Variants in NCS1 observed in about 807,000 individuals in gnomAD.
NCS1 encodes the protein frequenin homolog.
A neutral mutation model predicts 28.4 loss-of-function variants in NCS1; 6 were observed. The ratio of observed to expected loss-of-function variants is 0.21; its 90% CI spans 0.12 to 0.42. The LOEUF (loss-of-function observed/expected upper bound fraction) is 0.42, where lower values mean the gene tolerates loss of function less well. Ranked by LOEUF, NCS1 falls within the 10% of genes least tolerant of loss-of-function variation. The probability of loss-of-function intolerance (pLI) is 1.00; values close to 1 mark genes in which losing one functional copy is unlikely to be tolerated. For missense variants in NCS1, 131 were observed against 241.4 expected (o/e 0.54, Z 3.03); for synonymous variants, 86 against 99.3 (o/e 0.87, Z 0.79).
At chr9:130,176,194 C>CTTTCTTTCTTTCTTTCTTTCTTTCTTTCT (rs1554904576) in intron 1 of NCS1, among the ~76,000 whole-genome samples, 2 of 50,138 alleles carry the variant, frequency 4.0e-5, no homozygotes, top group Non-Finnish European at 3.5e-5. Flanking sequence ...TTCTTTCTTT[C>CTTTCTTTCTTTCTTTCTTTCTTTCTTTCT]TTTTTTTTTT....
intron 4 of NCS1, among the ~76,000 whole-genome samples, chr9:130,220,363 G>A (rs1307360080): frequency 1.3e-5 from 2 of 152,188 alleles, no homozygotes; most frequent in African/African-American, 4.8e-5. Flanking sequence ...TGCTCTCAGG[G>A]CGATCAGTCT....
chr9:130,196,600 G>A (rs1554906867), intron 1 of NCS1, among the ~76,000 whole-genome samples: 3 of 152,280 alleles, frequency 2.0e-5, no homozygotes, highest in Admixed American at 1.3e-4. Flanking sequence ...TTAGCCAGGC[G>A]TGGTAGCAGG....
At chr9:130,222,599 C>G in intron 4 of NCS1, 51 bp from the exon 5 acceptor site, 1 of 1,540,492 alleles carries the variant, frequency 6.5e-7, no homozygotes, top group Non-Finnish European at 9.0e-7. Context: ...GTTGAAGACC[C>G]CTCCCCACTG....
chr9:130,183,684 T>C (rs1412250838), intron 1 of NCS1, among the ~76,000 whole-genome samples: 1 of 151,826 alleles, frequency 6.6e-6, no homozygotes, highest in Non-Finnish European at 1.5e-5. Context: ...TCTTTCTTCC[T>C]TCCTTTCTTT....
rs1399471217 is a variant in NCS1 at position 130,235,057 on chromosome 9, C to G, written c.*2085C>G. On this transcript the variant is annotated 3_prime_UTR_variant, in exon 8 of 8. Coordinates refer to ENST00000372398, the MANE Select transcript of NCS1 (RefSeq NM_014286.4). ...CCCTTGGCTGGAGCATTCAGCCAACCCCAGCGTCCCCCCTGAGGCGTTCAT... is the reference window on the plus strand; with the variant it reads ...CCCTTGGCTGGAGCATTCAGCCAACGCCAGCGTCCCCCCTGAGGCGTTCAT... 1.3e-5 allele frequency: 2 copies of G among 152,440 alleles called. No homozygotes were observed. The highest frequency in any genetic ancestry group is 4.8e-5 in the African/African-American group (2 of 41,438). The allele number at this position is 152,440 out of a possible 1,614,324, so 9.4% of individuals were successfully genotyped here. A position where few individuals can be genotyped will look rare whatever the true frequency, so the allele number is the denominator to read the frequency against.
intron 2 of NCS1, among the ~76,000 whole-genome samples, chr9:130,206,845 G>A (rs374853752): frequency 3.3e-5 from 5 of 151,240 alleles, no homozygotes; most frequent in South Asian, 4.1e-4. Context: ...CCAGCCATCC[G>A]GGGTGGGAGC....
At chr9:130,184,860 C>A (rs1342493699) in intron 1 of NCS1, among the ~76,000 whole-genome samples, 1 of 151,828 alleles carries the variant, frequency 6.6e-6, no homozygotes, top group African/African-American at 2.4e-5. Context: ...TCTTGATTTC[C>A]TGACCTTGAT....
chr9:130,235,497 G>C lies in NCS1; in HGVS notation c.*2525G>C, dbSNP rs1468396919. 4 of 152,650 alleles carry C rather than the reference G, an allele frequency of 2.6e-5. No individual in the cohort carries two copies. Among genetic ancestry groups the C allele is most frequent in the Non-Finnish European group, 4.4e-5 (3 of 68,390 alleles). 9.5% of individuals were successfully genotyped at this position (152,650 alleles called of 1,614,324 possible). A position where few individuals can be genotyped will look rare whatever the true frequency, so the allele number is the denominator to read the frequency against. ...GCATGTGGACCCCTTCGGTGTGTCC[G>C]GCCTTCCTCCATCGTCCTGCCCTTT... On this transcript the variant is annotated 3_prime_UTR_variant, in exon 8 of 8. Transcript: ENST00000372398.
chr9:130,183,436 G>A (rs1832692134), intron 1 of NCS1, among the ~76,000 whole-genome samples: 1 of 152,228 alleles, frequency 6.6e-6, no homozygotes. Flanking sequence ...CCTGGCAGGG[G>A]AGCAGGGGGA....
Position 130,226,081 on chromosome 9 carries a change from G to C in NCS1, c.475-308G>C, listed in dbSNP as rs914309586. ...GGTTTAATAGCATTAACCATGACAC[G>C]TGTGGAGTTACAGGGCACTTCCAGT... is the stretch of plus-strand genomic sequence containing the variant. On this transcript the variant is annotated intron_variant, in intron 6 of 7. Coordinates refer to ENST00000372398, the MANE Select transcript of NCS1 (RefSeq NM_014286.4). This position sits in a 1 kb window ranked among gnomAD's most constrained non-coding sequence, Gnocchi z 4.8. 6.6e-6 allele frequency among the ~76,000 whole-genome samples: 1 copy of C among 152,192 alleles called. No individual in the cohort carries two copies. Among genetic ancestry groups the C allele is most frequent in the Non-Finnish European group, 1.5e-5 (1 of 68,042 alleles).
At chr9:130,218,056 G>T (rs115945179) in intron 3 of NCS1, 86 bp downstream of exon 3, 5 of 1,551,740 alleles carry the variant, frequency 3.2e-6, no homozygotes, top group Admixed American at 1.7e-5. Flanking sequence ...CTCTCCTGCC[G>T]ATGTTCCCTT....
At chr9:130,172,923 GCAC>G (rs1224361849) in intron 1 of NCS1, among the ~76,000 whole-genome samples, 196 bp downstream of exon 1, 20 of 151,628 alleles carry the variant, frequency 1.3e-4, no homozygotes, top group African/African-American at 4.8e-4. Context: ...CATTGTTCTG[GCAC>G]CCCCAGCCCG....
Position 130,215,715 on chromosome 9 carries a change from C to T in NCS1, c.90-2117C>T, listed in dbSNP as rs1833173816. On this transcript the variant is annotated intron_variant, in intron 2 of 7. Coordinates refer to ENST00000372398, the MANE Select transcript of NCS1 (RefSeq NM_014286.4). The surrounding 1 kb of genome is among the most constrained non-coding windows in gnomAD (Gnocchi z 4.2). Reference sequence around the variant, plus strand: ...CCTGGGTTTGGGCTGCTATTATGGGCTGTTACAAAGGCCTGTGGTTCCTGA... The same window carrying T: ...CCTGGGTTTGGGCTGCTATTATGGGTTGTTACAAAGGCCTGTGGTTCCTGA... Among the ~76,000 whole-genome samples, 1 of 152,172 alleles carries T rather than the reference C, an allele frequency of 6.6e-6. No homozygotes were observed. Among genetic ancestry groups the T allele is most frequent in the Non-Finnish European group, 1.5e-5 (1 of 68,042 alleles).
intron 2 of NCS1, among the ~76,000 whole-genome samples, chr9:130,203,943 G>A (rs1162438708): frequency 1.3e-5 from 2 of 152,134 alleles, no homozygotes; most frequent in East Asian, 3.9e-4. Flanking sequence ...GGGATCTTGG[G>A]CTCCAGAACT....
intron 5 of NCS1, 37 bp from the exon 6 acceptor site, chr9:130,223,045 G>A: frequency 6.3e-7 from 1 of 1,579,428 alleles, no homozygotes; most frequent in East Asian, 2.2e-5. Context: ...AAAGCCCAGA[G>A]TGCCAGGGCC....
At position 130,177,514 on chromosome 9, in the gene NCS1, T is replaced by C. The variant is rs1832589859; in HGVS notation, c.64+4787T>C. ...GCCGTCCCTGTACATCCCGTGTGCG[T>C]GGGCATGAACCAAGGAGGCCTTTCC... On this transcript the variant is annotated intron_variant, in intron 1 of 7. Coordinates refer to ENST00000372398, the MANE Select transcript of NCS1 (RefSeq NM_014286.4). The surrounding 1 kb of genome is among the most constrained non-coding windows in gnomAD (Gnocchi z 4.4). Among the ~76,000 whole-genome samples, 1 of 152,186 alleles carries C rather than the reference T, an allele frequency of 6.6e-6. No homozygotes were observed.
chr9:130,217,705 C>A, intron 2 of NCS1, 127 bp from the exon 3 acceptor site: 1 of 1,390,492 alleles, frequency 7.2e-7, no homozygotes, highest in Non-Finnish European at 1.0e-6. Context: ...AGTCCATGGC[C>A]CCATGGGGCA....
intron 2 of NCS1, among the ~76,000 whole-genome samples, chr9:130,208,004 A>T (rs998879356): frequency 2.8e-4 from 43 of 152,070 alleles, no homozygotes; most frequent in Admixed American, 7.2e-4. Context: ...GTCGTGGAAG[A>T]TCAGGAACCA....
At chr9:130,198,995 C>G (rs1832908926) in intron 1 of NCS1, among the ~76,000 whole-genome samples, 1 of 152,208 alleles carries the variant, frequency 6.6e-6, no homozygotes, top group Non-Finnish European at 1.5e-5. Context: ...GCCCCATACC[C>G]TTTGCCAAAA....
Sources: allele counts gnomAD v4.1 joint callset (sites outside exome capture counted in the v4.1 genomes callset), GRCh38; gene constraint gnomAD v4.1.1; non-coding constraint Gnocchi (gnomAD v3.1); transcripts MANE v1.5; gene names NCBI Gene and HGNC (gene_info 2026-07-23, HGNC 2026-07-21).